Variants in COL24A1 observed in about 807,000 individuals in gnomAD.
COL24A1 encodes collagen type XXIV alpha 1 chain, also known as collagen alpha-1(XXIV) chain.
COL24A1 carries 224 observed loss-of-function variants against 253.9 expected under a neutral mutation model. The observed-to-expected ratio is 0.88, with a 90% CI of 0.79 to 0.99. The LOEUF is 0.99. Among genes scored for constraint, COL24A1 ranks in the 50% least tolerant of loss-of-function variants. The pLI is 0.00. For missense variants in COL24A1, 2,131 were observed against 2,068.5 expected, an observed-to-expected ratio of 1.03 and a Z score of -0.59; for synonymous variants, 685 against 673.7, an observed-to-expected ratio of 1.02 and a Z score of -0.26.
chr1:86,048,857 T>C (rs988188165), intron 11 of COL24A1, among the ~76,000 whole-genome samples: 1 of 152,184 alleles, frequency 6.6e-6, no homozygotes, highest in African/African-American at 2.4e-5. Flanking sequence ...TGCCTATTGA[T>C]GGCCAGTGTC....
rs145056629 is a variant in COL24A1, at chr1:85,919,042, T to G, written c.2563-7609A>C. On this transcript the variant is annotated intron_variant, in intron 24 of 59. Transcript: ENST00000370571. ...TAAATAGAAAGTGATATGTACCACTTTTTTTTTAAGTCAGTTTCTTTTTTC... is the reference window on the plus strand; with the variant it reads ...TAAATAGAAAGTGATATGTACCACTGTTTTTTTAAGTCAGTTTCTTTTTTC... Among the ~76,000 whole-genome samples the G allele has an allele frequency of 1.1e-3, 161 of 151,892 alleles. 1 individual carries two copies. Among genetic ancestry groups the G allele is most frequent in the African/African-American group, 3.8e-3 (158 of 41,430 alleles).
intron 32 of COL24A1, among the ~76,000 whole-genome samples, chr1:85,878,708 T>C (rs931849479): frequency 1.3e-5 from 2 of 152,208 alleles, no homozygotes; most frequent in Non-Finnish European, 2.9e-5. Context: ...CAGCAATGAA[T>C]GAGAGCTCCT....
At chr1:85,908,228 T>G (rs1259169916) in intron 27 of COL24A1, among the ~76,000 whole-genome samples, 1 of 151,792 alleles carries the variant, frequency 6.6e-6, no homozygotes, top group Non-Finnish European at 1.5e-5. Context: ...GAATTTTATC[T>G]GGTTGTGATA....
intron 24 of COL24A1, among the ~76,000 whole-genome samples, chr1:85,933,192 C>T (rs1687949172): frequency 6.6e-6 from 1 of 150,852 alleles, no homozygotes; most frequent in African/African-American, 2.4e-5. Context: ...AAGTTGGCAG[C>T]AAAAATGAGG....
At chr1:85,827,852 T>C (rs1255168949) in intron 43 of COL24A1, among the ~76,000 whole-genome samples, 2 of 152,250 alleles carry the variant, frequency 1.3e-5, no homozygotes, top group African/African-American at 2.4e-5. Context: ...ATCAATTTTG[T>C]TGATCCTTTC....
intron 24 of COL24A1, among the ~76,000 whole-genome samples, chr1:85,927,420 C>T (rs1041281234): frequency 2.1e-5 from 3 of 144,664 alleles, no homozygotes; most frequent in African/African-American, 7.7e-5. Context: ...ACACCTGGCT[C>T]AGAGGGTCCT....
chr1:86,032,844 G>A lies in COL24A1; in HGVS notation c.2005-922C>T, dbSNP rs575163911. On this transcript the variant is annotated intron_variant, in intron 13 of 59. Coordinates refer to ENST00000370571, the MANE Select transcript of COL24A1 (RefSeq NM_152890.7). ...AAAAAAGAAAACTTTAAATATTCTA[G>A]GAGTCTTAACAGACTTCATGGATAG... Among the ~76,000 whole-genome samples the A allele has an allele frequency of 3.9e-5, 6 of 152,126 alleles. No individual in the cohort carries two copies. In the South Asian group the frequency reaches 1.2e-3, roughly 32 times the overall value.
chr1:85,902,990 A>C (rs6676291), intron 28 of COL24A1, among the ~76,000 whole-genome samples: 3,371 of 152,314 alleles, frequency 0.022, 125 homozygotes, highest in African/African-American at 0.076. Flanking sequence ...CTTACTATTC[A>C]TTCTATGCAT....
intron 47 of COL24A1, among the ~76,000 whole-genome samples, chr1:85,787,695 T>G (rs1381957839): frequency 6.6e-6 from 1 of 152,212 alleles, no homozygotes; most frequent in Non-Finnish European, 1.5e-5. Context: ...ATCTTTATGA[T>G]AGAATGATAT....
intron 24 of COL24A1, among the ~76,000 whole-genome samples, chr1:85,927,264 C>A (rs1427912964): frequency 6.6e-6 from 1 of 152,178 alleles, no homozygotes; most frequent in Non-Finnish European, 1.5e-5. Flanking sequence ...CATTGCCTCA[C>A]CTGGGAAGCG....
intron 37 of COL24A1, among the ~76,000 whole-genome samples, chr1:85,859,830 A>G (rs1444688721): frequency 6.6e-6 from 1 of 152,244 alleles, no homozygotes; most frequent in African/African-American, 2.4e-5. Context: ...AATTACAGAA[A>G]GAAGAATGCT....
intron 43 of COL24A1, among the ~76,000 whole-genome samples, chr1:85,827,896 A>G (rs868118472): frequency 1.3e-5 from 2 of 151,820 alleles, no homozygotes; most frequent in African/African-American, 4.8e-5. Flanking sequence ...TCATTTTTTG[A>G]AGGGTTTTTT....
At chr1:86,153,599 C>T (rs1298064210) in intron 1 of COL24A1, among the ~76,000 whole-genome samples, 6 of 152,204 alleles carry the variant, frequency 3.9e-5, no homozygotes, top group Non-Finnish European at 7.4e-5. Context: ...TTTATTCTGC[C>T]GTTCACAAAT....
At chr1:86,131,767 A>G (rs1438295266) in intron 2 of COL24A1, among the ~76,000 whole-genome samples, 3 of 151,898 alleles carry the variant, frequency 2.0e-5, no homozygotes, top group African/African-American at 7.3e-5. Flanking sequence ...ATCATTGTTG[A>G]ACATTTGGGT....
intron 20 of COL24A1, among the ~76,000 whole-genome samples, chr1:85,978,302 A>AAAC (rs1692896386): frequency 6.6e-6 from 1 of 152,126 alleles, no homozygotes; most frequent in Admixed American, 6.5e-5. Flanking sequence ...CAGGCCTATA[A>AAAC]AACAACAACA....
rs1253710708 is a variant in COL24A1 at position 86,149,456 on chromosome 1, T to C, written c.57-3273A>G. Among the ~76,000 whole-genome samples the C allele has an allele frequency of 2.6e-5, 4 of 152,186 alleles. No homozygotes were observed. In the South Asian group the frequency reaches 6.2e-4, roughly 24 times the overall value. On this transcript the variant is annotated intron_variant, in intron 1 of 59. Coordinates refer to ENST00000370571, the MANE Select transcript of COL24A1 (RefSeq NM_152890.7). ...CAACATATAACTGGCAGGATACATATCAGCGAGACTAGAAAACTGCTTACT... is the reference window on the plus strand; with the variant it reads ...CAACATATAACTGGCAGGATACATACCAGCGAGACTAGAAAACTGCTTACT...
intron 47 of COL24A1, among the ~76,000 whole-genome samples, chr1:85,803,124 G>A (rs1391767694): frequency 6.6e-6 from 1 of 152,106 alleles, no homozygotes; most frequent in Non-Finnish European, 1.5e-5. Context: ...AACATTTTTA[G>A]ATACTACCAA....
In COL24A1 at chr1:86,156,487, G is replaced by A; in HGVS notation, c.-91C>T. 8.5e-7 allele frequency: 1 copy of A among 1,179,910 alleles called. No individual in the cohort carries two copies. The highest frequency in any genetic ancestry group is 2.7e-5 in the East Asian group (1 of 36,478). 73.1% of individuals were successfully genotyped at this position (1,179,910 alleles called of 1,614,324 possible). A position where few individuals can be genotyped will look rare whatever the true frequency, so the allele number is the denominator to read the frequency against. On this transcript the variant is annotated 5_prime_UTR_variant, in exon 1 of 60. Coordinates refer to ENST00000370571, the MANE Select transcript of COL24A1 (RefSeq NM_152890.7). ...GGTGCAGGTACTGTCCATGAAAAAG[G>A]GAAAAAACAATCACATGAAAACCAT... is the stretch of plus-strand genomic sequence containing the variant.
chr1:85,999,188 G>A (rs1455403515), intron 19 of COL24A1, among the ~76,000 whole-genome samples: 2 of 152,162 alleles, frequency 1.3e-5, no homozygotes, highest in African/African-American at 2.4e-5. Flanking sequence ...GGCAATAAAT[G>A]GTCCTCCACT....
Sources: allele counts gnomAD v4.1 joint callset (sites outside exome capture counted in the v4.1 genomes callset), GRCh38; gene constraint gnomAD v4.1.1; transcripts MANE v1.5; gene names NCBI Gene and HGNC (gene_info 2026-07-23, HGNC 2026-07-21).